Variants in INVS observed in about 807,000 individuals in gnomAD.
INVS encodes inversion of embryo turning homolog.
Under a neutral mutation model 108.8 loss-of-function variants are expected in INVS, and 86 were observed. The observed-to-expected ratio is 0.79, with a 90% confidence interval of 0.66 to 0.95. The LOEUF (loss-of-function observed/expected upper bound fraction) is 0.95. INVS is among the 40% of genes least tolerant of loss of function. The pLI is 0.00. For missense variants in INVS, 1,169 were observed against 1,297.4 expected (o/e 0.90, Z 1.52); for synonymous variants, 455 against 473.5 (o/e 0.96, Z 0.51).
chr9:100,284,711 G>T, intron 13 of INVS, 108 bp downstream of exon 13: 1 of 1,158,048 alleles, frequency 8.6e-7, no homozygotes. Flanking sequence ...TTAGCACCTA[G>T]GACCGCCACT....
At chr9:100,228,694 A>T (rs985820283) in intron 4 of INVS, among the ~76,000 whole-genome samples, 6 of 152,200 alleles carry the variant, frequency 3.9e-5, no homozygotes, top group African/African-American at 1.4e-4. Flanking sequence ...TGCCTGGGTT[A>T]AAATCTCAGT....
chr9:100,227,312 G>A (rs1005952652), intron 4 of INVS, among the ~76,000 whole-genome samples: 2 of 152,182 alleles, frequency 1.3e-5, no homozygotes, highest in African/African-American at 2.4e-5. Context: ...GGTACACCTT[G>A]AAGGAATACC....
chr9:100,187,443 A>C (rs1830085517), intron 3 of INVS, among the ~76,000 whole-genome samples: 1 of 151,536 alleles, frequency 6.6e-6, no homozygotes, highest in African/African-American at 2.4e-5. Flanking sequence ...TGCTTTGGGC[A>C]GTATGGTCAT....
Position 100,210,331 on chromosome 9 carries a change from A to T in INVS, c.274-15731A>T, listed in dbSNP as rs542865261. Among the ~76,000 whole-genome samples, 8 of 152,334 alleles carry T rather than the reference A, an allele frequency of 5.3e-5. No homozygotes were observed. In the East Asian group the frequency reaches 1.5e-3, roughly 29 times the overall value. ...CAGAATATGCATATAGGAGGAGCTTATGGGGACAAATTGATTGGAAGGAGT... is the reference window on the plus strand; with the variant it reads ...CAGAATATGCATATAGGAGGAGCTTTTGGGGACAAATTGATTGGAAGGAGT... On this transcript the variant is annotated intron_variant, in intron 3 of 16. Coordinates refer to ENST00000262457, the MANE Select transcript of INVS (RefSeq NM_014425.5).
chr9:100,187,525 CTTTTTTTT>C (rs34728274), intron 3 of INVS, among the ~76,000 whole-genome samples: 3 of 105,564 alleles, frequency 2.8e-5, no homozygotes, highest in Non-Finnish European at 5.4e-5. Flanking sequence ...TCTATGATTT[CTTTTTTTT>C]TTTTTTTTTT....
In INVS at chr9:100,236,489, G is replaced by A. The variant is rs146150443; in HGVS notation, c.616-3571G>A. 3.3e-3 allele frequency among the ~76,000 whole-genome samples: 505 copies of A among 152,270 alleles called. 3 individuals are homozygous for A. Among genetic ancestry groups the A allele is most frequent in the African/African-American group, 0.011 (473 of 41,560 alleles). ...TGCACAGGTTTTCCCTCATCTTCAT[G>A]GATTTATCTACCTTTGATCTTTGAT... On this transcript the variant is annotated intron_variant, in intron 5 of 16. Coordinates refer to ENST00000262457, the MANE Select transcript of INVS (RefSeq NM_014425.5).
intron 11 of INVS, among the ~76,000 whole-genome samples, chr9:100,271,584 A>G (rs547948321): frequency 8.5e-5 from 13 of 152,334 alleles, no homozygotes; most frequent in Non-Finnish European, 1.6e-4. Flanking sequence ...TCCTCCCTAG[A>G]AGTTAAAGTA....
chr9:100,298,404 C>G, intron 16 of INVS: 1 of 834,168 alleles, frequency 1.2e-6, no homozygotes, highest in Non-Finnish European at 1.4e-6. Flanking sequence ...GAAGAGAACA[C>G]TGAGAGCATG....
In INVS at chr9:100,126,474, T is replaced by C. The variant is rs150557072; in HGVS notation, c.198T>C (p.Ala66=). The C allele has an allele frequency of 2.4e-5, 38 of 1,614,166 alleles. No homozygotes were observed. In the African/African-American group the frequency reaches 4.9e-4, roughly 21 times the overall value. Reference sequence around the variant, plus strand: ...CTGACAGATTGGATTGTGCAGATGCTCTTCTGAAGGCAGGAGCAGATGTGA... The same window carrying C: ...CTGACAGATTGGATTGTGCAGATGCCCTTCTGAAGGCAGGAGCAGATGTGA... The part of the protein sequence containing the change: ...VLADRLDCAD[A]LLKAGADVNK... Residue 66 remains alanine (A), a synonymous_variant, in exon 3 of 17, where the codon GCT becomes GCC. Coordinates refer to ENST00000262457, the MANE Select transcript of INVS (RefSeq NM_014425.5).
At chr9:100,103,962 T>A (rs764225090) in intron 1 of INVS, among the ~76,000 whole-genome samples, 13 of 152,204 alleles carry the variant, frequency 8.5e-5, no homozygotes, top group Non-Finnish European at 1.6e-4. Context: ...ATTTGCAATA[T>A]CAATTCTAAT....
intron 16 of INVS, among the ~76,000 whole-genome samples, chr9:100,299,707 A>C (rs1170797845): frequency 6.6e-6 from 1 of 151,196 alleles, no homozygotes; most frequent in African/African-American, 2.4e-5. Flanking sequence ...TAACAATAAA[A>C]GAAAAGAACT....
chr9:100,190,778 G>A (rs993283338), intron 3 of INVS, among the ~76,000 whole-genome samples: 1 of 152,022 alleles, frequency 6.6e-6, no homozygotes, highest in Non-Finnish European at 1.5e-5. Flanking sequence ...TGATGCTTTT[G>A]TCTTACTGCT....
intron 5 of INVS, among the ~76,000 whole-genome samples, chr9:100,238,068 G>A (rs2806686): frequency 0.01 from 1,537 of 151,900 alleles, 13 homozygotes; most frequent in Non-Finnish European, 0.016. Context: ...TAGTAGAGAC[G>A]GGGTTTCACC....
intron 3 of INVS, among the ~76,000 whole-genome samples, chr9:100,219,280 A>G (rs1437764571): frequency 1.3e-5 from 2 of 152,308 alleles, no homozygotes; most frequent in African/African-American, 4.8e-5. Context: ...ACATATAAAA[A>G]CATTCCACCT....
intron 3 of INVS, among the ~76,000 whole-genome samples, chr9:100,194,276 A>T (rs1165478256): frequency 6.6e-6 from 1 of 152,224 alleles, no homozygotes; most frequent in Non-Finnish European, 1.5e-5. Context: ...CATTCTAAAT[A>T]AAGCCATTTA....
intron 3 of INVS, among the ~76,000 whole-genome samples, chr9:100,213,568 C>T (rs963886400): frequency 2.6e-5 from 4 of 151,938 alleles, no homozygotes; most frequent in African/African-American, 9.7e-5. Flanking sequence ...TGAGATTTTA[C>T]CCTAAATATA....
chr9:100,140,924 A>AC (rs1828407760), intron 3 of INVS, among the ~76,000 whole-genome samples: 1 of 152,266 alleles, frequency 6.6e-6, no homozygotes, highest in South Asian at 2.1e-4. Context: ...AATTGGGAGG[A>AC]CCTAGGACAT....
Position 100,189,106 on chromosome 9 carries a change from C to CTTTTTTTTTTTTTTTTTTT in INVS, c.274-36953_274-36935dup, listed in dbSNP as rs60762136. ...TTCTAATGGAACTTATTTGCATCTT[C>CTTTTTTTTTTTTTTTTTTT]TTTTTTTTTTTTTTTTTTTTTGGTT... On this transcript the variant is annotated intron_variant, in intron 3 of 16. Coordinates refer to ENST00000262457, the MANE Select transcript of INVS (RefSeq NM_014425.5). 1.2e-4 allele frequency among the ~76,000 whole-genome samples: 8 copies of CTTTTTTTTTTTTTTTTTTT among 69,564 alleles called. 1 individual carries two copies. Among genetic ancestry groups the CTTTTTTTTTTTTTTTTTTT allele is most frequent in the African/African-American group, 4.8e-4 (7 of 14,730 alleles). The allele number at this position is 69,564 out of a possible 152,430, so 45.6% of individuals were successfully genotyped here.
chr9:100,295,293 G>A (rs1240593349), intron 14 of INVS, among the ~76,000 whole-genome samples: 3 of 152,110 alleles, frequency 2.0e-5, no homozygotes, highest in Admixed American at 2.0e-4. Flanking sequence ...TGGGCTTATG[G>A]TCTAACATGC....
Sources: gnomAD v4.1 joint callset for allele counts (sites outside exome capture counted in the v4.1 genomes callset) on GRCh38, gnomAD v4.1.1 for gene constraint, MANE v1.5 for transcripts, NCBI Gene and HGNC (gene_info 2026-07-23, HGNC 2026-07-21) for gene names.